Variants in VPS13A observed in about 807,000 individuals in gnomAD.
The protein encoded by VPS13A is intermembrane lipid transfer protein VPS13A.
A neutral mutation model predicts 390.9 loss-of-function variants in VPS13A; 264 were observed. The observed-to-expected ratio is 0.68, with a 90% confidence interval of 0.61 to 0.75. The LOEUF (loss-of-function observed/expected upper bound fraction) is 0.75, where lower values mean the gene tolerates loss of function less well. VPS13A is among the 30% of genes least tolerant of loss of function. VPS13A has a pLI of 0.00. For missense variants in VPS13A, 3,409 were observed against 3,733.9 expected (o/e 0.91, Z 2.27); for synonymous variants, 1,231 against 1,227.1 (o/e 1.00, Z -0.07).
intron 56 of VPS13A, among the ~76,000 whole-genome samples, chr9:77,358,058 C>T (rs1176133480): frequency 6.8e-6 from 1 of 147,784 alleles, no homozygotes; most frequent in Non-Finnish European, 1.5e-5. Flanking sequence ...CAGGTTCAAG[C>T]GATTCTGCTG....
At chr9:77,379,796 G>C (rs577113981) in intron 67 of VPS13A, among the ~76,000 whole-genome samples, 1 of 152,174 alleles carries the variant, frequency 6.6e-6, no homozygotes, top group Non-Finnish European at 1.5e-5. Flanking sequence ...ATAATGTTCC[G>C]TTGCACTTGA....
chr9:77,181,293 A>T (rs1824000370), intron 1 of VPS13A, among the ~76,000 whole-genome samples: 1 of 151,862 alleles, frequency 6.6e-6, no homozygotes, highest in Admixed American at 6.6e-5. Flanking sequence ...GAGACTGGGG[A>T]GGGTGGATCA....
At chr9:77,393,395 T>C (rs563733771) in intron 68 of VPS13A, among the ~76,000 whole-genome samples, 1 of 152,362 alleles carries the variant, frequency 6.6e-6, no homozygotes, top group East Asian at 1.9e-4. Flanking sequence ...ACTATTGATA[T>C]TTTGACCTCG....
rs1321485157 is a variant in VPS13A at position 77,177,678 on chromosome 9, C to T, written c.-27C>T. The T allele has an allele frequency of 6.2e-7, 1 of 1,603,424 alleles. No homozygotes were observed. The highest frequency in any genetic ancestry group is 1.1e-5 in the South Asian group (1 of 90,904). ...GCGGGAGGAGGAGCGCACGGGCCGGCTGCCGTGCCCACCACGGCTGAGGAA... is the reference window on the plus strand; with the variant it reads ...GCGGGAGGAGGAGCGCACGGGCCGGTTGCCGTGCCCACCACGGCTGAGGAA... On this transcript the variant is annotated 5_prime_UTR_variant, in exon 1 of 72. Transcript: ENST00000360280.
chr9:77,318,700 A>AT (rs1298574283), intron 41 of VPS13A, 109 bp downstream of exon 41: 1 of 1,146,782 alleles, frequency 8.7e-7, no homozygotes, highest in African/African-American at 1.6e-5. Context: ...ATTTAAGCTT[A>AT]TTGTAAATAT....
intron 19 of VPS13A, among the ~76,000 whole-genome samples, chr9:77,241,200 C>G (rs968791252): frequency 2.6e-5 from 4 of 152,202 alleles, no homozygotes; most frequent in Non-Finnish European, 5.9e-5. Context: ...CTTCTGTATC[C>G]TGCTTTCTTT....
intron 22 of VPS13A, 62 bp downstream of exon 22, chr9:77,252,414 AC>A: frequency 7.9e-7 from 1 of 1,269,616 alleles, no homozygotes; most frequent in Non-Finnish European, 1.2e-6. Flanking sequence ...CTAGGGAAAT[AC>A]CATACTTAAC....
chr9:77,303,006 G>C lies in VPS13A; in HGVS notation c.3904G>C (p.Glu1302Gln). ...EVVVERNLCW[E>Q]WYQEVPCFNV... ...TGTGGTTGAACGAAATTTATGCTGG[G>C]AGTGGTACCAGGAAGTTCCTTGTTT... The change falls in exon 34 of 72, where the codon GAG becomes CAG. Residue 1302 changes from glutamate to glutamine, a missense_variant. Physicochemically the swap from Glu to Gln is conservative, Grantham distance 29. This residue lies in a region of VPS13A where 2,717 missense variants were observed against 2,917.4 expected (regional missense o/e 0.93). Coordinates refer to ENST00000360280, the MANE Select transcript of VPS13A (RefSeq NM_033305.3). 6.2e-7 allele frequency: 1 copy of C among 1,614,034 alleles called. No individual in the cohort carries two copies. Among genetic ancestry groups the C allele is most frequent in the Middle Eastern group, 1.7e-4 (1 of 6,058 alleles).
intron 10 of VPS13A, among the ~76,000 whole-genome samples, chr9:77,216,005 C>T (rs1822841044): frequency 1.3e-5 from 2 of 152,158 alleles, no homozygotes; most frequent in Non-Finnish European, 2.9e-5. Context: ...GAACCAGACA[C>T]TGCAGAAGCT....
intron 53 of VPS13A, among the ~76,000 whole-genome samples, chr9:77,352,017 GTCT>G (rs1831501907): frequency 6.6e-6 from 1 of 152,166 alleles, no homozygotes; most frequent in East Asian, 1.9e-4. Context: ...ACCAAAAGTA[GTCT>G]TATTTTGTTT....
chr9:77,232,988 A>G (rs920996621), intron 17 of VPS13A, among the ~76,000 whole-genome samples: 2 of 152,216 alleles, frequency 1.3e-5, no homozygotes, highest in African/African-American at 4.8e-5. Context: ...AAGTTTTACT[A>G]TACTAAAGTT....
At chr9:77,255,768 G>T (rs1313237945) in intron 22 of VPS13A, among the ~76,000 whole-genome samples, 1 of 151,908 alleles carries the variant, frequency 6.6e-6, no homozygotes, top group Non-Finnish European at 1.5e-5. Flanking sequence ...TTCATTTAAG[G>T]TTATCCATTT....
chr9:77,199,246 C>A (rs1825184956), intron 1 of VPS13A, among the ~76,000 whole-genome samples: 1 of 152,034 alleles, frequency 6.6e-6, no homozygotes, highest in African/African-American at 2.4e-5. Flanking sequence ...CTGTGTTGCC[C>A]AGGCTGGACT....
chr9:77,371,821 C>G (rs1490670131), intron 67 of VPS13A, among the ~76,000 whole-genome samples: 1 of 123,784 alleles, frequency 8.1e-6, no homozygotes, highest in Non-Finnish European at 1.7e-5. Context: ...CCCCTCCCCC[C>G]ACCCCACCTG....
intron 68 of VPS13A, among the ~76,000 whole-genome samples, chr9:77,395,011 T>G (rs1308930217): frequency 2.0e-5 from 3 of 152,190 alleles, no homozygotes; most frequent in Non-Finnish European, 4.4e-5. Context: ...ATCAGGCTGT[T>G]TTGCTTTCTT....
chr9:77,281,061 A>G (rs971707592), intron 27 of VPS13A, among the ~76,000 whole-genome samples: 3 of 148,568 alleles, frequency 2.0e-5, no homozygotes, highest in African/African-American at 7.3e-5. Flanking sequence ...GATCTTCTTT[A>G]TGTGTGGAAT....
intron 45 of VPS13A, among the ~76,000 whole-genome samples, chr9:77,327,105 G>A (rs1587590744): frequency 6.6e-6 from 1 of 152,098 alleles, no homozygotes; most frequent in Non-Finnish European, 1.5e-5. Context: ...GTAGTCATAG[G>A]GCTTATGTAG....
chr9:77,178,691 T>G (rs1263481707), intron 1 of VPS13A, among the ~76,000 whole-genome samples: 1 of 152,172 alleles, frequency 6.6e-6, no homozygotes, highest in East Asian at 1.9e-4. Flanking sequence ...AGAGCCTCAT[T>G]TTTAGTGTTT....
intron 23 of VPS13A, among the ~76,000 whole-genome samples, chr9:77,270,108 C>T (rs1018272129): frequency 1.3e-5 from 2 of 152,136 alleles, no homozygotes; most frequent in African/African-American, 2.4e-5. Context: ...ATCTCATATA[C>T]GTTTTGGTAC....
Sources: gnomAD v4.1 joint callset for allele counts (sites outside exome capture counted in the v4.1 genomes callset) on GRCh38, gnomAD v4.1.1 for gene constraint, gnomAD v4.1.1 regional missense constraint, MANE v1.5 for transcripts, NCBI Gene and HGNC (gene_info 2026-07-23, HGNC 2026-07-21) for gene names.